Variants in GNAI1 observed in about 807,000 individuals in gnomAD.
GNAI1 encodes the protein guanine nucleotide-binding protein G(i) subunit alpha-1.
GNAI1 carries 11 observed loss-of-function variants against 38.9 expected under a neutral mutation model. The ratio of observed to expected loss-of-function variants is 0.28; its 90% CI spans 0.18 to 0.47. The LOEUF (loss-of-function observed/expected upper bound fraction) is 0.47, where lower values mean the gene tolerates loss of function less well. Ranked by LOEUF, GNAI1 falls within the 20% of genes least tolerant of loss-of-function variation. GNAI1 has a pLI of 0.99. For missense variants in GNAI1, 317 were observed against 436.9 expected, an observed-to-expected ratio of 0.73 and a Z score of 2.45; for synonymous variants, 166 against 145.1, an observed-to-expected ratio of 1.14 and a Z score of -1.04.
chr7:80,201,471 C>T (rs1788685521), intron 4 of GNAI1, among the ~76,000 whole-genome samples: 1 of 152,126 alleles, frequency 6.6e-6, no homozygotes, highest in Admixed American at 6.6e-5. Flanking sequence ...GTAATCCCAG[C>T]ATTTTGGGAG....
rs1370404933 is a variant in GNAI1 at position 80,143,917 on chromosome 7, T to TGC, written c.118+8640_118+8641insCG. 4.5e-4 allele frequency among the ~76,000 whole-genome samples: 23 copies of TGC among 50,686 alleles called. No homozygotes were observed. The South Asian group carries it at 0.012, about 26-fold the overall frequency. The allele number at this position is 50,686 out of a possible 152,430, so 33.3% of individuals were successfully genotyped here. A position where few individuals can be genotyped will look rare whatever the true frequency, so the allele number is the denominator to read the frequency against. ...TTCTTAGCAAGGATGTGTGTGTGTG[T>TGC]GTGTGCGCGCGTGTGTGTATCTATA... is the stretch of plus-strand genomic sequence containing the variant. On this transcript the variant is annotated intron_variant, in intron 1 of 7. Transcript: ENST00000649796.
At chr7:80,192,558 A>G (rs1036679299) in intron 3 of GNAI1, among the ~76,000 whole-genome samples, 3 of 152,120 alleles carry the variant, frequency 2.0e-5, no homozygotes, top group Admixed American at 6.5e-5. Context: ...GTTTCCTTAT[A>G]ATACAAGGGA....
chr7:80,176,433 C>A (rs151237089), intron 1 of GNAI1, among the ~76,000 whole-genome samples: 1 of 152,288 alleles, frequency 6.6e-6, no homozygotes, highest in African/African-American at 2.4e-5. Context: ...GATGACTACA[C>A]TAAACAACAG....
intron 1 of GNAI1, among the ~76,000 whole-genome samples, chr7:80,159,294 AGAAACATAG>A (rs1461152950): frequency 6.6e-6 from 1 of 152,154 alleles, no homozygotes; most frequent in Non-Finnish European, 1.5e-5. Context: ...CACCATACTC[AGAAACATAG>A]TTCTTAGGCT....
In GNAI1 at chr7:80,137,317, C is replaced by CTTTTTTTTTTTTT. The variant is rs398005254; in HGVS notation, c.118+2048_118+2060dup. The stretch of plus-strand genomic sequence containing the variant: ...TCTTTTTTTTTTTTTCTTTTCTTTT[C>CTTTTTTTTTTTTT]TTTTTTTTTTTTTTTTTTTTTGAGA... On this transcript the variant is annotated intron_variant, in intron 1 of 7. Transcript: ENST00000649796. 1.1e-3 allele frequency among the ~76,000 whole-genome samples: 61 copies of CTTTTTTTTTTTTT among 53,980 alleles called. 2 individuals are homozygous for CTTTTTTTTTTTTT. Among genetic ancestry groups the CTTTTTTTTTTTTT allele is most frequent in the East Asian group, 3.3e-3 (6 of 1,794 alleles). 35.4% of individuals were successfully genotyped at this position (53,980 alleles called of 152,430 possible). A position where few individuals can be genotyped will look rare whatever the true frequency, so the allele number is the denominator to read the frequency against.
chr7:80,155,034 T>G (rs187960514), intron 1 of GNAI1, among the ~76,000 whole-genome samples: 1 of 152,322 alleles, frequency 6.6e-6, no homozygotes, highest in African/African-American at 2.4e-5. Context: ...ACATTGCTTA[T>G]TTTTTCCATT....
chr7:80,169,778 G>A (rs1185848819), intron 1 of GNAI1, among the ~76,000 whole-genome samples: 1 of 152,026 alleles, frequency 6.6e-6, no homozygotes, highest in Non-Finnish European at 1.5e-5. Flanking sequence ...AATCAATTTT[G>A]GAATATTTAT....
chr7:80,195,523 A>G (rs1309604212), intron 3 of GNAI1, among the ~76,000 whole-genome samples: 3 of 152,048 alleles, frequency 2.0e-5, no homozygotes, highest in African/African-American at 4.8e-5. Flanking sequence ...CTGGGATGCA[A>G]GACTGGTTCA....
chr7:80,195,675 T>G (rs1788556838), intron 3 of GNAI1, among the ~76,000 whole-genome samples: 1 of 151,946 alleles, frequency 6.6e-6, no homozygotes, highest in Non-Finnish European at 1.5e-5. Context: ...AACACTCCAT[T>G]ACCATATTAT....
chr7:80,184,909 T>G (rs1788363152), intron 1 of GNAI1, among the ~76,000 whole-genome samples: 2 of 152,184 alleles, frequency 1.3e-5, no homozygotes, highest in African/African-American at 2.4e-5. Flanking sequence ...CACTCCACAG[T>G]GATTAGTTGA....
At chr7:80,172,317 G>C (rs1788110021) in intron 1 of GNAI1, among the ~76,000 whole-genome samples, 1 of 152,204 alleles carries the variant, frequency 6.6e-6, no homozygotes, top group African/African-American at 2.4e-5. Context: ...TAGAAAAAGA[G>C]TTCTGTAAGG....
chr7:80,160,615 C>T lies in GNAI1; in HGVS notation c.118+25337C>T, dbSNP rs576026740. On this transcript the variant is annotated intron_variant, in intron 1 of 7. Transcript: ENST00000649796. The stretch of plus-strand genomic sequence containing the variant: ...ATACTTGTGATATCCACTTGCAAAT[C>T]AAATTCTTCATTTTAAGCTGTTTGC... Among the ~76,000 whole-genome samples, 19 of 152,230 alleles carry T rather than the reference C, an allele frequency of 1.2e-4. No homozygotes were observed. In the South Asian group the frequency reaches 3.9e-3, roughly 32 times the overall value.
At chr7:80,177,024 C>CTTTTTTTT (rs569135086) in intron 1 of GNAI1, among the ~76,000 whole-genome samples, 1 of 61,212 alleles carries the variant, frequency 1.6e-5, no homozygotes, top group Non-Finnish European at 2.8e-5. Context: ...GACAGCATAT[C>CTTTTTTTT]TTTTTTTTTT....
chr7:80,173,582 T>C (rs1350837648), intron 1 of GNAI1, among the ~76,000 whole-genome samples: 4 of 152,066 alleles, frequency 2.6e-5, no homozygotes, highest in African/African-American at 9.7e-5. Flanking sequence ...TGCTCCCCAA[T>C]TGGTGTGGGG....
chr7:80,207,956 TATC>T (rs1475114546), intron 5 of GNAI1, among the ~76,000 whole-genome samples: 2 of 152,148 alleles, frequency 1.3e-5, no homozygotes, highest in East Asian at 1.9e-4. Flanking sequence ...ATCCTAAAAT[TATC>T]ATAATATGAG....
intron 1 of GNAI1, among the ~76,000 whole-genome samples, chr7:80,139,766 A>G (rs1787489923): frequency 1.3e-5 from 2 of 152,166 alleles, no homozygotes; most frequent in African/African-American, 4.8e-5. Flanking sequence ...TCTAAAATCA[A>G]ATTGTTTGGT....
intron 7 of GNAI1, 93 bp from the exon 8 acceptor site, chr7:80,217,210 G>GACTTCAGTTTCATATGTATGAAACT: frequency 1.3e-6 from 1 of 784,560 alleles, no homozygotes; most frequent in Non-Finnish European, 2.0e-6. Context: ...GTATGAAACT[G>GACTTCAGTTTCATATGTATGAAACT]ACTTCAGTTT....
chr7:80,177,914 G>C (rs1300520453), intron 1 of GNAI1, among the ~76,000 whole-genome samples: 1 of 152,154 alleles, frequency 6.6e-6, no homozygotes, highest in East Asian at 1.9e-4. Context: ...TCCTTTAATA[G>C]ATCTGAGTAA....
At position 80,211,091 on chromosome 7, in the gene GNAI1, A is replaced by G; in HGVS notation, c.713A>G (p.Glu238Gly). The G allele has an allele frequency of 6.2e-7, 1 of 1,613,326 alleles. No homozygotes were observed. Among genetic ancestry groups the G allele is most frequent in the Non-Finnish European group, 8.5e-7 (1 of 1,179,412 alleles). ...TACGACCTGGTTCTAGCTGAAGATG[A>G]AGAAATGGCAAGTAGAACTACTTTA... ...SDYDLVLAEDEEMNRMHESMK... is the reference protein window; with the variant it reads ...SDYDLVLAEDGEMNRMHESMK... Residue 238 changes from glutamate to glycine, a missense_variant, in exon 6 of 8, where the codon GAA becomes GGA. This residue lies in a region of GNAI1 where 158 missense variants were observed against 234.7 expected (regional missense o/e 0.67). Transcript: ENST00000649796.
Sources: allele counts gnomAD v4.1 joint callset (sites outside exome capture counted in the v4.1 genomes callset), GRCh38; gene constraint gnomAD v4.1.1; regional missense constraint gnomAD v4.1.1; transcripts MANE v1.5; gene names NCBI Gene and HGNC (gene_info 2026-07-23, HGNC 2026-07-21).